Variants in FN1 observed in about 807,000 individuals in gnomAD.
FN1 encodes the protein fibronectin 1.
A neutral mutation model predicts 297.3 loss-of-function variants in FN1; 106 were observed. That is an observed-to-expected ratio of 0.36 (90% CI 0.30 to 0.42). FN1 has a LOEUF of 0.42. Among genes scored for constraint, FN1 ranks in the 10% least tolerant of loss-of-function variants. The pLI is 1.00. For missense variants in FN1, 2,690 were observed against 3,124.9 expected (o/e 0.86, Z 3.32); for synonymous variants, 1,149 against 1,152.6 (o/e 1.00, Z 0.06).
At chr2:215,424,468 T>C in intron 7 of FN1, 143 bp from the exon 8 acceptor site, 1 of 679,180 alleles carries the variant, frequency 1.5e-6, no homozygotes, top group South Asian at 1.8e-5. Context: ...CTCGTTAATT[T>C]CAGTCAAAAT....
intron 11 of FN1, 123 bp from the exon 12 acceptor site, chr2:215,419,508 G>T: frequency 1.2e-6 from 1 of 834,500 alleles, no homozygotes; most frequent in Non-Finnish European, 2.0e-6. Flanking sequence ...ACAAATATAT[G>T]CAGTTAAAAA....
chr2:215,410,477 TGA>T (rs112694738), intron 13 of FN1, among the ~76,000 whole-genome samples: 3,293 of 150,780 alleles, frequency 0.022, 109 homozygotes, highest in African/African-American at 0.076. Context: ...ATGCCCGGGG[TGA>T]CATAGTTGCA....
In FN1 at chr2:215,384,918, G is replaced by T. The variant is rs925360466; in HGVS notation, c.4671C>A (p.Ile1557=). 1.2e-6 allele frequency: 2 copies of T among 1,613,960 alleles called. No homozygotes were observed. The highest frequency in any genetic ancestry group is 1.7e-6 in the Non-Finnish European group (2 of 1,179,940). The part of the protein sequence containing the change: ...VVAATPTSLL[I]SWDAPAVTVR... Reference sequence around the variant, plus strand: ...CTGTGACAGCAGGAGCATCCCAGCTGATCAGTAGGCTGGTGGGGGTCGCAG... The same window carrying T: ...CTGTGACAGCAGGAGCATCCCAGCTTATCAGTAGGCTGGTGGGGGTCGCAG... Residue 1557 remains isoleucine, a synonymous_variant, in exon 29 of 46, where the codon ATC becomes ATA. Transcript: ENST00000354785.
chr2:215,404,243 G>A, intron 20 of FN1, 146 bp downstream of exon 20: 1 of 830,506 alleles, frequency 1.2e-6, no homozygotes, highest in Non-Finnish European at 1.9e-6. Context: ...CCAGCAGCCA[G>A]TCTATGGAGC....
At chr2:215,380,790 G>A (rs1354718915) in intron 33 of FN1, 21 bp downstream of exon 33, 4 of 1,611,704 alleles carry the variant, frequency 2.5e-6, no homozygotes, top group Admixed American at 1.7e-5. Context: ...TGGGCACCTG[G>A]TGGTGCAATT....
intron 42 of FN1, among the ~76,000 whole-genome samples, chr2:215,366,832 T>C (rs1050378579): frequency 2.0e-5 from 3 of 152,122 alleles, no homozygotes; most frequent in African/African-American, 7.2e-5. Context: ...AACTTAAACG[T>C]AGTTCGATTT....
At chr2:215,370,476 T>A in intron 40 of FN1, 44 bp from the exon 41 acceptor site, 1 of 1,580,030 alleles carries the variant, frequency 6.3e-7, no homozygotes, top group Non-Finnish European at 8.7e-7. Flanking sequence ...AGCATTATAG[T>A]GAGGAATGAC....
At chr2:215,406,884 T>C (rs2061844686) in intron 18 of FN1, among the ~76,000 whole-genome samples, 1 of 152,228 alleles carries the variant, frequency 6.6e-6, no homozygotes, top group Admixed American at 6.5e-5. Flanking sequence ...AAAAATGAAA[T>C]GACCCTTAAG....
intron 35 of FN1, among the ~76,000 whole-genome samples, chr2:215,377,693 C>T (rs6716361): frequency 1.3e-5 from 2 of 151,478 alleles, no homozygotes; most frequent in Non-Finnish European, 1.5e-5. Context: ...CAAGAATGGC[C>T]TAATATGCAT....
At chr2:215,435,099 TC>T (rs1382575189) in intron 1 of FN1, among the ~76,000 whole-genome samples, 1 of 152,158 alleles carries the variant, frequency 6.6e-6, no homozygotes, top group African/African-American at 2.4e-5. Flanking sequence ...TAAGCAGCTT[TC>T]TCAAAGCAAA....
At chr2:215,370,195 A>T (rs1439190907) in intron 41 of FN1, 99 bp downstream of exon 41, 3 of 1,253,422 alleles carry the variant, frequency 2.4e-6, no homozygotes, top group Non-Finnish European at 3.5e-6. Context: ...AATCCCAAAG[A>T]TAAAAAGACA....
At position 215,435,672 on chromosome 2, in the gene FN1, G is replaced by T. The variant is rs762546141; in HGVS notation, c.131C>A (p.Ala44Asp). 21 of 1,613,402 alleles carry T rather than the reference G, an allele frequency of 1.3e-5. 1 individual carries two copies. The South Asian group carries it at 2.3e-4, about 18-fold the overall frequency. The change falls in exon 1 of 46, where the codon GCT becomes GAT. Residue 44 changes from alanine (A) to aspartate (D), a missense_variant. Around this residue, in one of 3 missense-constraint regions of FN1, gnomAD observed 876 missense variants for 1,058.1 expected, o/e 0.83. Coordinates refer to ENST00000354785, the MANE Select transcript of FN1 (RefSeq NM_212482.4). ...QQMVQPQSPV[A>D]VSQSKPGCYD... is the part of the protein sequence containing the mutation. Reference sequence around the variant, plus strand: ...GTACTCACGCTTGCTTTGACTGACAGCCACCGGGGACTGGGGCTGAACCAT... The same window carrying T: ...GTACTCACGCTTGCTTTGACTGACATCCACCGGGGACTGGGGCTGAACCAT...
rs1208758363 is a variant in FN1, at chr2:215,404,309, T to G, written c.3253+80A>C. The G allele has an allele frequency of 1.6e-4, 207 of 1,314,130 alleles. 1 individual carries two copies. The highest frequency in any genetic ancestry group is 2.1e-4 in the Middle Eastern group (1 of 4,872). 81.4% of individuals were successfully genotyped at this position (1,314,130 alleles called of 1,614,324 possible). Reference sequence around the variant, plus strand: ...TACTAATTTTTTAATGTTTTTTTTGTTTTGTTTTGTTTTGTTTTAAAGCAT... The same window carrying G: ...TACTAATTTTTTAATGTTTTTTTTGGTTTGTTTTGTTTTGTTTTAAAGCAT... On this transcript the variant is annotated intron_variant, in intron 20 of 45. Coordinates refer to ENST00000354785, the MANE Select transcript of FN1 (RefSeq NM_212482.4).
rs761996366 is a variant in FN1 at position 215,361,961 on chromosome 2, G to C, written c.7362+8C>G. 5.6e-6 allele frequency: 9 copies of C among 1,609,696 alleles called. No homozygotes were observed. In the East Asian group the frequency reaches 2.0e-4, roughly 36 times the overall value. On this transcript the variant is annotated splice_region_variant and intron_variant, in intron 45 of 45. Transcript: ENST00000354785. ...GAGGGAACACACTTGTGCTGCTAATGCACTTACAGTGTTTGTTCTCTGATG... is the reference window on the plus strand; with the variant it reads ...GAGGGAACACACTTGTGCTGCTAATCCACTTACAGTGTTTGTTCTCTGATG...
At chr2:215,401,070 A>C (rs1207244782) in intron 20 of FN1, among the ~76,000 whole-genome samples, 1 of 147,254 alleles carries the variant, frequency 6.8e-6, no homozygotes, top group Non-Finnish European at 1.5e-5. Flanking sequence ...TGCTGGAATT[A>C]CAGGCATGAG....
chr2:215,406,780 C>G (rs547530551), intron 18 of FN1, among the ~76,000 whole-genome samples: 2 of 152,154 alleles, frequency 1.3e-5, no homozygotes, highest in East Asian at 1.9e-4. Flanking sequence ...AGAAAAGATA[C>G]TAAAAAATTT....
intron 41 of FN1, 61 bp downstream of exon 41, chr2:215,370,233 A>C: frequency 6.4e-7 from 1 of 1,552,510 alleles, no homozygotes; most frequent in Non-Finnish European, 8.9e-7. Flanking sequence ...GTCAACAGAA[A>C]AGCCCATCTC....
chr2:215,375,567 TG>T, intron 37 of FN1, 61 bp downstream of exon 37: 1 of 1,341,686 alleles, frequency 7.5e-7, no homozygotes, highest in South Asian at 1.2e-5. Context: ...ATTTGTTTTT[TG>T]AGTTCATGAA....
At chr2:215,400,213 C>G (rs1269467420) in intron 20 of FN1, among the ~76,000 whole-genome samples, 1 of 151,422 alleles carries the variant, frequency 6.6e-6, no homozygotes, top group Non-Finnish European at 1.5e-5. Context: ...AAAAGCTTTA[C>G]GCTGAATTAT....
Sources: gnomAD v4.1 joint callset for allele counts (sites outside exome capture counted in the v4.1 genomes callset) on GRCh38, gnomAD v4.1.1 for gene constraint, gnomAD v4.1.1 regional missense constraint, MANE v1.5 for transcripts, NCBI Gene and HGNC (gene_info 2026-07-23, HGNC 2026-07-21) for gene names.